DCDC2: variants seen among roughly 807,000 people sequenced by gnomAD.
DCDC2 encodes the protein doublecortin domain containing 2.
Under a neutral mutation model 50.2 loss-of-function variants are expected in DCDC2, and 40 were observed. That is an observed-to-expected ratio of 0.80 (90% CI 0.62 to 1.04). DCDC2 has a LOEUF of 1.04. Ranked by LOEUF, DCDC2 falls within the 50% of genes least tolerant of loss-of-function variation. DCDC2 has a pLI of 0.00. For synonymous variants in DCDC2, 234 were observed against 210.6 expected (o/e 1.11, Z -0.96); for missense variants, 570 against 581.9 (o/e 0.98, Z 0.21).
intron 2 of DCDC2, among the ~76,000 whole-genome samples, chr6:24,345,588 G>A (rs531894174): frequency 7.3e-5 from 11 of 151,598 alleles, no homozygotes; most frequent in Admixed American, 5.9e-4. Context: ...GATTCAGAAG[G>A]ATGGCTTATC....
chr6:24,174,517 A>G lies in DCDC2; in HGVS notation c.*213T>C. 1 of 372,136 alleles carries G rather than the reference A, an allele frequency of 2.7e-6. No individual in the cohort carries two copies. Among genetic ancestry groups the G allele is most frequent in the Non-Finnish European group, 4.8e-6 (1 of 207,568 alleles). 23.1% of individuals were successfully genotyped at this position (372,136 alleles called of 1,614,324 possible). On this transcript the variant is annotated 3_prime_UTR_variant, in exon 10 of 10. Transcript: ENST00000378454. Reference sequence around the variant, plus strand: ...CCGTCTTATTTAATATTTCTATATGACTTTTAAAACACATGCAATAAAAGT... The same window carrying G: ...CCGTCTTATTTAATATTTCTATATGGCTTTTAAAACACATGCAATAAAAGT...
chr6:24,358,936 T>TATATATATTATATATTATATATA (rs1561788593), upstream of DCDC2, among the ~76,000 whole-genome samples: 1 of 16,994 alleles, frequency 5.9e-5, no homozygotes, highest in African/African-American at 2.4e-4. Flanking sequence ...TATTATATAT[T>TATATATATTATATATTATATATA]TTATATATTA....
intron 7 of DCDC2, among the ~76,000 whole-genome samples, chr6:24,249,085 T>G (rs1374132151): frequency 6.6e-6 from 1 of 152,160 alleles, no homozygotes; most frequent in Non-Finnish European, 1.5e-5. Flanking sequence ...TTATTCTTAT[T>G]TAATATATTA....
In DCDC2 at chr6:24,308,216, T is replaced by C. The variant is rs10456302; in HGVS notation, c.349-6172A>G. ...GCTGTGTAACAGACAGAATCTCCAG[T>C]GGTGGAAATAGCTAATAGCTGGACT... On this transcript the variant is annotated intron_variant, in intron 2 of 9. Coordinates refer to ENST00000378454, the MANE Select transcript of DCDC2 (RefSeq NM_016356.5). Among the ~76,000 whole-genome samples, 490 of 152,332 alleles carry C rather than the reference T, an allele frequency of 3.2e-3. 1 individual carries two copies. Among genetic ancestry groups the C allele is most frequent in the Non-Finnish European group, 6.5e-3 (439 of 68,024 alleles).
At chr6:24,381,976 G>C in the DCDC2 span, among the ~76,000 whole-genome samples, 1 of 129,326 alleles carries the variant, frequency 7.7e-6, no homozygotes, top group African/African-American at 3.2e-5. Context: ...AGGAAGGAAG[G>C]AAGGAAGGAA....
chr6:24,305,800 G>C (rs770657542), intron 2 of DCDC2, among the ~76,000 whole-genome samples: 2 of 152,058 alleles, frequency 1.3e-5, no homozygotes, highest in Non-Finnish European at 2.9e-5. Flanking sequence ...GCCAAGGGGG[G>C]GTGGATCACC....
chr6:24,266,682 T>A (rs1578349), intron 7 of DCDC2, among the ~76,000 whole-genome samples: 3 of 151,926 alleles, frequency 2.0e-5, no homozygotes, highest in Non-Finnish European at 2.9e-5. Flanking sequence ...GGCAAAGATG[T>A]AGAGAAAAGG....
At chr6:24,347,670 T>C (rs9379656) in intron 2 of DCDC2, among the ~76,000 whole-genome samples, 12,179 of 152,208 alleles carry the variant, frequency 0.08, 774 homozygotes, top group East Asian at 0.34. Flanking sequence ...CAGGGGGTAC[T>C]GGAAACAATC....
intron 2 of DCDC2, among the ~76,000 whole-genome samples, chr6:24,309,965 TA>T (rs1402451966): frequency 2.0e-5 from 3 of 151,836 alleles, no homozygotes; most frequent in African/African-American, 7.3e-5. Flanking sequence ...CCCTGTCTAT[TA>T]AAAAAATAAT....
At chr6:24,235,787 A>C (rs1320949410) in intron 7 of DCDC2, among the ~76,000 whole-genome samples, 4 of 152,190 alleles carry the variant, frequency 2.6e-5, no homozygotes, top group Non-Finnish European at 5.9e-5. Flanking sequence ...CTGTACAAAA[A>C]TCAGTAGCAT....
intron 7 of DCDC2, among the ~76,000 whole-genome samples, chr6:24,227,842 T>C (rs1187335463): frequency 1.3e-5 from 2 of 152,204 alleles, no homozygotes; most frequent in African/African-American, 4.8e-5. Flanking sequence ...AGGTCAAAGA[T>C]GTCCAGGGGC....
intron 2 of DCDC2, among the ~76,000 whole-genome samples, chr6:24,338,023 C>T (rs911666094): frequency 2.6e-5 from 4 of 152,122 alleles, no homozygotes; most frequent in Non-Finnish European, 5.9e-5. Context: ...TCTTAGGAAA[C>T]GCTTCCTTCT....
At chr6:24,374,676 G>A in the DCDC2 span, among the ~76,000 whole-genome samples, 1 of 151,552 alleles carries the variant, frequency 6.6e-6, no homozygotes. Context: ...GTGATGAGAT[G>A]AACAGGAAAT....
intron 2 of DCDC2, among the ~76,000 whole-genome samples, chr6:24,346,418 T>C (rs1760256151): frequency 1.3e-5 from 2 of 152,114 alleles, no homozygotes; most frequent in Admixed American, 6.5e-5. Flanking sequence ...CACTTCTACG[T>C]GACTTAGAAT....
intron 7 of DCDC2, among the ~76,000 whole-genome samples, chr6:24,230,471 G>A (rs556822321): frequency 6.6e-5 from 10 of 152,012 alleles, no homozygotes; most frequent in African/African-American, 1.7e-4. Flanking sequence ...GTGAGACCCC[G>A]CCACTACAAA....
intron 8 of DCDC2, among the ~76,000 whole-genome samples, chr6:24,186,458 C>G (rs991629221): frequency 2.6e-5 from 4 of 152,170 alleles, no homozygotes; most frequent in African/African-American, 9.7e-5. Context: ...ATCAGCATCA[C>G]AAACACACAT....
the DCDC2 span, among the ~76,000 whole-genome samples, chr6:24,377,423 A>G: frequency 6.6e-6 from 1 of 152,204 alleles, no homozygotes; most frequent in Non-Finnish European, 1.5e-5. Flanking sequence ...ATTCCAACCC[A>G]TTCATCAAAC....
chr6:24,307,506 T>C (rs559403560), intron 2 of DCDC2, among the ~76,000 whole-genome samples: 13 of 152,330 alleles, frequency 8.5e-5, no homozygotes, highest in African/African-American at 3.1e-4. Context: ...CTTTATCGTA[T>C]GGATTTAAGG....
chr6:24,268,712 C>T (rs1301927499), intron 7 of DCDC2, among the ~76,000 whole-genome samples: 1 of 152,028 alleles, frequency 6.6e-6, no homozygotes, highest in Non-Finnish European at 1.5e-5. Flanking sequence ...GCTGAGACTA[C>T]AGGCATGCGA....
Sources: allele counts gnomAD v4.1 joint callset (sites outside exome capture counted in the v4.1 genomes callset), GRCh38; gene constraint gnomAD v4.1.1; transcripts MANE v1.5; gene names NCBI Gene and HGNC (gene_info 2026-07-23, HGNC 2026-07-21).